The following APOD variants were observed in gnomAD, a reference collection of about 807,000 sequenced individuals.
APOD encodes apolipoprotein D, also known as apo-D.
APOD carries 22 observed loss-of-function variants against 20.4 expected under a neutral mutation model. The observed-to-expected ratio is 1.08, with a 90% CI of 0.77 to 1.54. The LOEUF (loss-of-function observed/expected upper bound fraction) is 1.54. Ranked by LOEUF, APOD falls within the 40% of genes most tolerant of loss-of-function variation. The pLI is 0.00. For synonymous variants in APOD, 97 were observed against 92.4 expected (o/e 1.05, Z -0.29); for missense variants, 223 against 229.6 (o/e 0.97, Z 0.19).
At chr3:195,575,703 C>G (rs1720236158) in intron 2 of APOD, among the ~76,000 whole-genome samples, 1 of 152,188 alleles carries the variant, frequency 6.6e-6, no homozygotes. Context: ...TCTGGGCTCA[C>G]TGCAACCTCT....
rs1352127244 is a variant in APOD, at chr3:195,579,505, C to G, written c.-34-10G>C. The G allele has an allele frequency of 6.2e-7, 1 of 1,603,470 alleles. No homozygotes were observed. The highest frequency in any genetic ancestry group is 8.5e-7 in the Non-Finnish European group (1 of 1,178,968). On this transcript the variant is annotated splice_polypyrimidine_tract_variant and intron_variant, in intron 1 of 4. Transcript: ENST00000343267. ...GAGAAGGGACCTGGAGCTGCGGGAA[C>G]GCAAAGCAGCTGGGGTTGTCATTCT... is the stretch of plus-strand genomic sequence containing the variant.
At position 195,568,851 on chromosome 3, in the gene APOD, G is replaced by T; in HGVS notation, c.*49C>A. ...CTTTATGGGGGGGGGGTAGGGGAAA[G>T]CGAAGCAGAAGTAACATGGAGTGGG... On this transcript the variant is annotated 3_prime_UTR_variant, in exon 5 of 5. Transcript: ENST00000343267. The T allele has an allele frequency of 1.4e-6, 2 of 1,413,876 alleles. No homozygotes were observed. The highest frequency in any genetic ancestry group is 1.2e-5 in the South Asian group (1 of 86,008). 87.6% of individuals were successfully genotyped at this position (1,413,876 alleles called of 1,614,324 possible). A position where few individuals can be genotyped will look rare whatever the true frequency, so the allele number is the denominator to read the frequency against.
Position 195,569,010 on chromosome 3 carries a change from T to TAG in APOD, c.458_459dup (p.Asn154LeufsTer11). Reference sequence around the variant, plus strand: ...GAGTCCACTGTTTCTGGAGGGAGATTAGGGTTTCTTGCCAAGATCCAAGCA... The same window carrying TAG: ...GAGTCCACTGTTTCTGGAGGGAGATTAGAGGGTTTCTTGCCAAGATCCAAGCA... On this transcript the variant is annotated frameshift_variant, in exon 5 of 5. Coordinates refer to ENST00000343267, the MANE Select transcript of APOD (RefSeq NM_001647.4). LOFTEE classifies it high-confidence loss of function. The TAG allele has an allele frequency of 6.2e-7, 1 of 1,614,044 alleles. No homozygotes were observed. Among genetic ancestry groups the TAG allele is most frequent in the South Asian group, 1.1e-5 (1 of 91,084 alleles).
intron 1 of APOD, among the ~76,000 whole-genome samples, chr3:195,581,361 G>C (rs1483853245): frequency 6.6e-6 from 1 of 152,174 alleles, no homozygotes; most frequent in Non-Finnish European, 1.5e-5. Flanking sequence ...TGAATTTATA[G>C]AAATGCAGCC....
chr3:195,570,602 C>G (rs1164984789), intron 4 of APOD: 2 of 152,346 alleles, frequency 1.3e-5, no homozygotes, highest in African/African-American at 4.8e-5. Context: ...TAGCTGATGA[C>G]TTCAGTGTCT....
In APOD at chr3:195,568,908, G is replaced by A; in HGVS notation, c.562C>T (p.Leu188Phe). 1.9e-6 allele frequency: 3 copies of A among 1,613,282 alleles called. No homozygotes were observed. Among genetic ancestry groups the A allele is most frequent in the Non-Finnish European group, 2.5e-6 (3 of 1,179,354 alleles). ...CTCCCTGTAGAACCTGGTTACGAGA[G>A]CTTGGGGCAGTTCACCTGGTCTGTG... ...TVTDQVNCPK[L>F]S Residue 188 changes from leucine (L) to phenylalanine (F), a missense_variant, in exon 5 of 5, where the codon CTC (leucine) becomes TTC (phenylalanine). By Grantham distance (22) the Leu-to-Phe change is conservative (BLOSUM62 0). Coordinates refer to ENST00000343267, the MANE Select transcript of APOD (RefSeq NM_001647.4).
rs369497400 is a variant in APOD, at chr3:195,568,833, G to GC, written c.*66_*67insG. 357,058 of 1,035,104 alleles carry GC rather than the reference G, an allele frequency of 0.34. 69,021 individuals are homozygous for GC. Among genetic ancestry groups the GC allele is most frequent in the Admixed American group, 0.54 (28,145 of 52,088 alleles). The allele number at this position is 1,035,104 out of a possible 1,614,324, so 64.1% of individuals were successfully genotyped here. A position where few individuals can be genotyped will look rare whatever the true frequency, so the allele number is the denominator to read the frequency against. ...CGTGGTTGATTGGTTTGTCTTTATG[G>GC]GGGGGGGGTAGGGGAAAGCGAAGCA... On this transcript the variant is annotated 3_prime_UTR_variant, in exon 5 of 5. Coordinates refer to ENST00000343267, the MANE Select transcript of APOD (RefSeq NM_001647.4).
chr3:195,579,598 C>T, intron 1 of APOD, 103 bp from the exon 2 acceptor site: 1 of 1,266,944 alleles, frequency 7.9e-7, no homozygotes, highest in Non-Finnish European at 1.1e-6. Flanking sequence ...GTGGGCGGTC[C>T]CTCCTCTTCT....
rs765864169 is a variant in APOD, at chr3:195,571,383, A to G, written c.246-18T>C. 2 of 1,590,034 alleles carry G rather than the reference A, an allele frequency of 1.3e-6. No homozygotes were observed. Among genetic ancestry groups the G allele is most frequent in the Non-Finnish European group, 1.7e-6 (2 of 1,171,090 alleles). On this transcript the variant is annotated intron_variant, in intron 3 of 4. Coordinates refer to ENST00000343267, the MANE Select transcript of APOD (RefSeq NM_001647.4). ...CATCAGCTCTGCAGTGAGTTAAAAA[A>G]AGAAAAAATACAAAAAACGAAAAGA...
chr3:195,577,173 T>C, intron 2 of APOD: 1 of 344,036 alleles, frequency 2.9e-6, no homozygotes, highest in Non-Finnish European at 5.5e-6. Flanking sequence ...GGTGACAAAG[T>C]GAGACTCCGT....
chr3:195,572,781 G>A (rs556006368), intron 3 of APOD, among the ~76,000 whole-genome samples: 71 of 152,196 alleles, frequency 4.7e-4, no homozygotes, highest in African/African-American at 1.6e-3. Context: ...GGAGGCCAAG[G>A]GGGGGCGGAT....
At chr3:195,580,486 CCT>C (rs901743116) in intron 1 of APOD, among the ~76,000 whole-genome samples, 7 of 151,872 alleles carry the variant, frequency 4.6e-5, no homozygotes. Context: ...CTCACTGCAA[CCT>C]CTGTCTCCCG....
At chr3:195,573,735 G>T in intron 3 of APOD, 115 bp downstream of exon 3, 1 of 1,331,124 alleles carries the variant, frequency 7.5e-7, no homozygotes, top group Non-Finnish European at 1.0e-6. Context: ...CCTGCTAGGA[G>T]CAGGCAGTCC....
At chr3:195,580,547 G>A (rs1349504002) in intron 1 of APOD, among the ~76,000 whole-genome samples, 6 of 151,998 alleles carry the variant, frequency 3.9e-5, no homozygotes, top group Non-Finnish European at 5.9e-5. Flanking sequence ...TGGGATTACA[G>A]GTGTCCACCA....
intron 2 of APOD, 93 bp downstream of exon 2, chr3:195,579,246 C>A: frequency 6.5e-7 from 1 of 1,543,408 alleles, no homozygotes. Context: ...CCAAGGTGTG[C>A]AGTGGAAATT....
intron 4 of APOD, among the ~76,000 whole-genome samples, chr3:195,570,418 T>C (rs138052719): frequency 1.4e-3 from 218 of 152,352 alleles, no homozygotes; most frequent in Non-Finnish European, 2.3e-3. Context: ...GGCTTGTACA[T>C]GTGAAGTTAG....
chr3:195,569,028 T>C lies in APOD; in HGVS notation c.442A>G (p.Ile148Val). 2 of 1,614,076 alleles carry C rather than the reference T, an allele frequency of 1.2e-6. No homozygotes were observed. Among genetic ancestry groups the C allele is most frequent in the Non-Finnish European group, 1.7e-6 (2 of 1,180,004 alleles). Residue 148 changes from isoleucine to valine, a missense_variant, in exon 5 of 5, where the codon ATC becomes GTC. Coordinates refer to ENST00000343267, the MANE Select transcript of APOD (RefSeq NM_001647.4). ...GGGAGATTAGGGTTTCTTGCCAAGA[T>C]CCAAGCAAAATCCACGTGAAAAAGT... ...IQLFHVDFAW[I>V]LARNPNLPPE...
chr3:195,571,299 C>A lies in APOD; in HGVS notation c.312G>T (p.Lys104Asn). 6.2e-7 allele frequency: 1 copy of A among 1,614,104 alleles called. No individual in the cohort carries two copies. Among genetic ancestry groups the A allele is most frequent in the Non-Finnish European group, 8.5e-7 (1 of 1,180,016 alleles). ...TACACCAGGAAAACTTAACTTCCAG[C>A]TTGGCAGGCTCTGTGAGGTTAACTG... ...ATPVNLTEPA[K>N]LEVKFSWFMP... is the part of the protein sequence containing the mutation. The change falls in exon 4 of 5, where the codon AAG (lysine) becomes AAT (asparagine). Residue 104 changes from lysine to asparagine, a missense_variant. Transcript: ENST00000343267.
intron 1 of APOD, among the ~76,000 whole-genome samples, chr3:195,583,584 C>G (rs1720376821): frequency 6.6e-6 from 1 of 152,156 alleles, no homozygotes; most frequent in South Asian, 2.1e-4. Context: ...ACCTCGTTGT[C>G]CAGTTTGGAG....
Sources: gnomAD v4.1 joint callset for allele counts (sites outside exome capture counted in the v4.1 genomes callset) on GRCh38, gnomAD v4.1.1 for gene constraint, MANE v1.5 for transcripts, NCBI Gene and HGNC (gene_info 2026-07-23, HGNC 2026-07-21) for gene names.